Variants in VPS53 observed in about 807,000 individuals in gnomAD.
VPS53 encodes vacuolar protein sorting-associated protein 53 homolog.
VPS53 carries 70 observed loss-of-function variants against 107.0 expected under a neutral mutation model. That is an observed-to-expected ratio of 0.65 (90% CI 0.54 to 0.80). The LOEUF (loss-of-function observed/expected upper bound fraction) is 0.80, where lower values mean the gene tolerates loss of function less well. VPS53 is among the 30% of genes least tolerant of loss of function. The probability of loss-of-function intolerance (pLI) is 0.00; values close to 1 mark genes in which losing one functional copy is unlikely to be tolerated. For missense variants in VPS53, 917 were observed against 1,049.4 expected, an observed-to-expected ratio of 0.87 and a Z score of 1.74; for synonymous variants, 409 against 393.3, an observed-to-expected ratio of 1.04 and a Z score of -0.47.
chr17:529,006 C>T (rs145236847), intron 19 of VPS53, among the ~76,000 whole-genome samples: 2 of 152,260 alleles, frequency 1.3e-5, no homozygotes, highest in East Asian at 3.9e-4. Context: ...TTTTGCATTA[C>T]CACCAGCAAT....
rs548271619 is a variant in VPS53 at position 654,300 on chromosome 17, G to A, written c.489-890C>T. ...AGACCTCTACTTTCCCTACTGCTAA[G>A]GTTAATGACGCTTAAATAAAAGGAT... On this transcript the variant is annotated intron_variant, in intron 6 of 21. Coordinates refer to ENST00000437048, the MANE Select transcript of VPS53 (RefSeq NM_001128159.3). Among the ~76,000 whole-genome samples, 7 of 152,268 alleles carry A rather than the reference G, an allele frequency of 4.6e-5. No homozygotes were observed. In the South Asian group the frequency reaches 1.5e-3, roughly 32 times the overall value.
chr17:595,665 T>C, intron 12 of VPS53, among the ~76,000 whole-genome samples: 1 of 127,462 alleles, frequency 7.8e-6, no homozygotes, highest in Admixed American at 7.7e-5. Flanking sequence ...CCTGGTTTGA[T>C]GATGCACTCT....
intron 11 of VPS53, among the ~76,000 whole-genome samples, chr17:621,486 TTC>T (rs1228013016): frequency 1.3e-5 from 2 of 152,232 alleles, no homozygotes; most frequent in Non-Finnish European, 2.9e-5. Flanking sequence ...ATATTTACAT[TTC>T]TGAAAGTTCT....
chr17:556,667 T>C (rs1169460171), intron 15 of VPS53, among the ~76,000 whole-genome samples: 3 of 152,170 alleles, frequency 2.0e-5, no homozygotes, highest in African/African-American at 7.2e-5. Context: ...TGGGCTCTTT[T>C]ATTCCTTCAA....
intron 13 of VPS53, among the ~76,000 whole-genome samples, chr17:564,205 G>A (rs1402515442): frequency 1.3e-5 from 2 of 151,952 alleles, no homozygotes; most frequent in African/African-American, 4.8e-5. Context: ...GACCAGCCTG[G>A]CCAACATGGC....
intron 1 of VPS53, among the ~76,000 whole-genome samples, chr17:712,225 G>C (rs1170803717): frequency 6.9e-6 from 1 of 144,724 alleles, no homozygotes; most frequent in Non-Finnish European, 1.5e-5. Context: ...CTGTCGCTCA[G>C]GCTGGAAGGC....
In VPS53 at chr17:673,025, T is replaced by C. The variant is rs1972025053; in HGVS notation, c.286-11130A>G. Among the ~76,000 whole-genome samples the C allele has an allele frequency of 4.0e-5, 6 of 148,708 alleles. No individual in the cohort carries two copies. In the Admixed American group the frequency reaches 4.1e-4, roughly 10 times the overall value. On this transcript the variant is annotated intron_variant, in intron 4 of 21. Transcript: ENST00000437048. The stretch of plus-strand genomic sequence containing the variant: ...TACTCGGGAGACTTAGGCAGGAGAA[T>C]GGCGTGAACCCAGGAGGTGGAGCTT...
chr17:537,208 C>T (rs1346785671), intron 17 of VPS53, 32 bp from the exon 18 acceptor site: 2 of 1,610,908 alleles, frequency 1.2e-6, no homozygotes, highest in Non-Finnish European at 8.5e-7. Context: ...GCGTTGAATC[C>T]CTCGCAGGAG....
At chr17:554,751 G>A (rs1912184380) in intron 15 of VPS53, among the ~76,000 whole-genome samples, 1 of 152,190 alleles carries the variant, frequency 6.6e-6, no homozygotes, top group South Asian at 2.1e-4. Context: ...TCTTAAATTT[G>A]AAAATGCTGT....
chr17:568,356 C>T (rs1913733283), intron 13 of VPS53, among the ~76,000 whole-genome samples: 1 of 152,118 alleles, frequency 6.6e-6, no homozygotes, highest in Non-Finnish European at 1.5e-5. Context: ...ATCCTCCCAC[C>T]CCAGCCTCCT....
intron 12 of VPS53, among the ~76,000 whole-genome samples, chr17:594,071 AC>A: frequency 6.6e-6 from 1 of 151,876 alleles, no homozygotes; most frequent in Admixed American, 6.6e-5. Context: ...AAAAAACCAA[AC>A]ACCGCATATT....
rs368391822 is a variant in VPS53 at position 603,502 on chromosome 17, T to A, written c.1117-1606A>T. ...GGTTTTTGGTTTAAGACAATACTGCTAACAGTCATTTAATAACTGCTTATT... is the reference window on the plus strand; with the variant it reads ...GGTTTTTGGTTTAAGACAATACTGCAAACAGTCATTTAATAACTGCTTATT... On this transcript the variant is annotated intron_variant, in intron 11 of 21. Coordinates refer to ENST00000437048, the MANE Select transcript of VPS53 (RefSeq NM_001128159.3). Among the ~76,000 whole-genome samples the A allele has an allele frequency of 1.3e-4, 20 of 152,360 alleles. No individual in the cohort carries two copies. The East Asian group carries it at 3.9e-3, about 29-fold the overall frequency.
intron 11 of VPS53, among the ~76,000 whole-genome samples, chr17:619,381 C>G: frequency 6.7e-6 from 1 of 148,566 alleles, no homozygotes; most frequent in South Asian, 2.2e-4. Flanking sequence ...ACCACCATGC[C>G]CCGCTAATAT....
At position 714,044 on chromosome 17, in the gene VPS53, CA is replaced by C. The variant is rs397818093; in HGVS notation, c.87+578del. The C allele has an allele frequency of 3.2e-3, 250 of 77,712 alleles. 1 individual carries two copies. The highest frequency in any genetic ancestry group is 7.7e-3 in the South Asian group (16 of 2,078). 4.8% of individuals were successfully genotyped at this position (77,712 alleles called of 1,614,324 possible). On this transcript the variant is annotated intron_variant, in intron 1 of 21. Transcript: ENST00000437048. ...CGGGCGACAGAGCGAGAATCCGTCT[CA>C]AAAAAAAAAAAAAAAAAAAGTTCCT...
rs1007877479 is a variant in VPS53, at chr17:549,526, G to A, written c.1866+2346C>T. On this transcript the variant is annotated intron_variant, in intron 17 of 21. Transcript: ENST00000437048. ...TTGAGGGAAATCCACCGAACGAACC[G>A]ACAGTTCGTATAAGCAACACTTGCA... is the stretch of plus-strand genomic sequence containing the variant. Among the ~76,000 whole-genome samples the A allele has an allele frequency of 1.9e-4, 29 of 152,102 alleles. No individual in the cohort carries two copies. In the East Asian group the frequency reaches 1.9e-3, roughly 10 times the overall value.
At chr17:569,230 A>G (rs1167853811) in intron 13 of VPS53, among the ~76,000 whole-genome samples, 1 of 152,232 alleles carries the variant, frequency 6.6e-6, no homozygotes, top group South Asian at 2.1e-4. Flanking sequence ...CAATTTGAGT[A>G]CTAAAATAAC....
chr17:693,071 T>C (rs1972831305), intron 4 of VPS53, among the ~76,000 whole-genome samples: 1 of 151,584 alleles, frequency 6.6e-6, no homozygotes, highest in African/African-American at 2.4e-5. Context: ...GAGGCAGAAG[T>C]TGCAGTAAGC....
chr17:605,469 G>A (rs1383577386), intron 11 of VPS53, among the ~76,000 whole-genome samples: 1 of 150,982 alleles, frequency 6.6e-6, no homozygotes, highest in Admixed American at 6.6e-5. Context: ...GGAAGATGGG[G>A]GCCTGGGGTA....
chr17:549,075 T>C (rs1050908697), intron 17 of VPS53, among the ~76,000 whole-genome samples: 6 of 152,240 alleles, frequency 3.9e-5, no homozygotes, highest in Non-Finnish European at 1.5e-5. Flanking sequence ...TACTGGAATC[T>C]AAACACCTTA....
Sources: gnomAD v4.1 joint callset for allele counts (sites outside exome capture counted in the v4.1 genomes callset) on GRCh38, gnomAD v4.1.1 for gene constraint, MANE v1.5 for transcripts, NCBI Gene and HGNC (gene_info 2026-07-23, HGNC 2026-07-21) for gene names.